The following CNTN6 variants were observed in gnomAD, a reference collection of about 807,000 sequenced individuals.
CNTN6 encodes the protein contactin 6.
CNTN6 carries 137 observed loss-of-function variants against 122.8 expected under a neutral mutation model. The observed-to-expected ratio is 1.12, with a 90% CI of 0.97 to 1.29. The LOEUF (loss-of-function observed/expected upper bound fraction) is 1.29. Among genes scored for constraint, CNTN6 ranks in the 50% most tolerant of loss-of-function variants. The probability of loss-of-function intolerance (pLI) is 0.00; values close to 1 mark genes in which losing one functional copy is unlikely to be tolerated. For missense variants in CNTN6, 1,634 were observed against 1,223.4 expected, an observed-to-expected ratio of 1.34 and a Z score of -5.01; for synonymous variants, 570 against 426.0, an observed-to-expected ratio of 1.34 and a Z score of -4.16.
At chr3:1,278,261 A>G (rs938774435) in intron 4 of CNTN6, 152 bp from the exon 5 acceptor site, 1 of 543,772 alleles carries the variant, frequency 1.8e-6, no homozygotes, top group Non-Finnish European at 3.3e-6. Context: ...GATAATAATA[A>G]GTGCAGTTAA....
At chr3:1,222,698 C>G (rs1327001251) in intron 3 of CNTN6, among the ~76,000 whole-genome samples, 1 of 151,756 alleles carries the variant, frequency 6.6e-6, no homozygotes, top group Non-Finnish European at 1.5e-5. Flanking sequence ...TGGTTTGGCT[C>G]ATTTCTTTTT....
chr3:1,402,752 C>G, intron 22 of CNTN6: 1 of 315,592 alleles, frequency 3.2e-6, no homozygotes, highest in Non-Finnish European at 5.8e-6. Context: ...AATTGTATCA[C>G]TCATTCTATT....
At chr3:1,272,851 T>C (rs2125763449) in intron 4 of CNTN6, among the ~76,000 whole-genome samples, 1 of 152,342 alleles carries the variant, frequency 6.6e-6, no homozygotes, top group East Asian at 1.9e-4. Flanking sequence ...ACGTGGCAGC[T>C]GCAAAGATAT....
intron 7 of CNTN6, among the ~76,000 whole-genome samples, chr3:1,316,239 G>A (rs952792895): frequency 6.6e-6 from 1 of 151,684 alleles, no homozygotes; most frequent in African/African-American, 2.4e-5. Context: ...GAAATAACAG[G>A]GACTGGGCAA....
At chr3:1,262,529 G>A (rs754834101) in intron 4 of CNTN6, among the ~76,000 whole-genome samples, 2 of 152,084 alleles carry the variant, frequency 1.3e-5, no homozygotes, top group Non-Finnish European at 2.9e-5. Context: ...CCCCGCTTTA[G>A]TTTATACTAC....
chr3:1,158,823 CAT>C lies in CNTN6; in HGVS notation c.55+10768_55+10769del, dbSNP rs1481973019. 2.2e-4 allele frequency among the ~76,000 whole-genome samples: 6 copies of C among 27,098 alleles called. No individual in the cohort carries two copies. The South Asian group carries it at 2.6e-3, about 12-fold the overall frequency. The allele number at this position is 27,098 out of a possible 152,430, so 17.8% of individuals were successfully genotyped here. On this transcript the variant is annotated intron_variant, in intron 2 of 22. Transcript: ENST00000446702. The stretch of plus-strand genomic sequence containing the variant: ...ATATACACACATATATATACACACA[CAT>C]ATATATACACACACATATATATACA...
At chr3:1,093,934 C>T (rs2090379229) in intron 1 of CNTN6, among the ~76,000 whole-genome samples, 1 of 152,100 alleles carries the variant, frequency 6.6e-6, no homozygotes, top group African/African-American at 2.4e-5. Flanking sequence ...ATGAAAACTA[C>T]TTATGTTTAA....
intron 11 of CNTN6, among the ~76,000 whole-genome samples, chr3:1,344,719 G>C (rs1704407741): frequency 6.6e-6 from 1 of 152,122 alleles, no homozygotes; most frequent in African/African-American, 2.4e-5. Flanking sequence ...ATAAATATTT[G>C]TGTTCTTTCC....
chr3:1,119,339 G>GTGTGTGTGTGTGTGTT (rs1284081653), intron 1 of CNTN6, among the ~76,000 whole-genome samples: 1 of 151,084 alleles, frequency 6.6e-6, no homozygotes, highest in Admixed American at 6.6e-5. Context: ...GTGTGTGTGT[G>GTGTGTGTGTGTGTGTT]TGTGTGTGTG....
chr3:1,117,101 A>G (rs1420083515), intron 1 of CNTN6, among the ~76,000 whole-genome samples: 1 of 152,222 alleles, frequency 6.6e-6, no homozygotes, highest in Non-Finnish European at 1.5e-5. Context: ...TAACTGGAAA[A>G]TAGAGTGGAT....
chr3:1,309,885 C>A (rs12495025), intron 7 of CNTN6, among the ~76,000 whole-genome samples: 1 of 152,036 alleles, frequency 6.6e-6, no homozygotes, highest in Non-Finnish European at 1.5e-5. Flanking sequence ...TGTTTTAGTG[C>A]TAATATAAAT....
At chr3:1,103,975 TTAA>T (rs1169257500) in intron 1 of CNTN6, among the ~76,000 whole-genome samples, 1 of 152,070 alleles carries the variant, frequency 6.6e-6, no homozygotes, top group African/African-American at 2.4e-5. Flanking sequence ...ATTACCAATA[TTAA>T]TAATATTTTT....
intron 1 of CNTN6, among the ~76,000 whole-genome samples, chr3:1,123,646 T>C (rs1255680408): frequency 6.6e-6 from 1 of 151,998 alleles, no homozygotes; most frequent in African/African-American, 2.4e-5. Context: ...TTTTGTTATT[T>C]ATTTTCTTCC....
intron 4 of CNTN6, 63 bp downstream of exon 4, chr3:1,228,056 C>T (rs566669373): frequency 6.8e-7 from 1 of 1,470,006 alleles, no homozygotes; most frequent in South Asian, 1.2e-5. Flanking sequence ...CTGATACACA[C>T]ATTTTAAAAA....
At chr3:1,376,584 C>T (rs1002877858) in intron 16 of CNTN6, among the ~76,000 whole-genome samples, 7 of 151,900 alleles carry the variant, frequency 4.6e-5, no homozygotes, top group African/African-American at 7.2e-5. Context: ...ATCCTGATGA[C>T]TAATAAAAGG....
chr3:1,116,228 G>T (rs1212425925), intron 1 of CNTN6, among the ~76,000 whole-genome samples: 2 of 152,120 alleles, frequency 1.3e-5, no homozygotes, highest in South Asian at 4.1e-4. Flanking sequence ...TAGCAGTTTA[G>T]CAGGCCTGGA....
intron 2 of CNTN6, 82 bp downstream of exon 2, chr3:1,148,145 A>T: frequency 9.5e-7 from 1 of 1,048,756 alleles, no homozygotes; most frequent in Non-Finnish European, 1.5e-6. Flanking sequence ...CAATTTTCAA[A>T]ATGCACAATT....
At chr3:1,402,549 GCTCCATGAAAC>G (rs1220246276) in intron 22 of CNTN6, 63 bp downstream of exon 22, 2 of 1,406,268 alleles carry the variant, frequency 1.4e-6, no homozygotes, top group African/African-American at 1.4e-5. Context: ...ATGAAATTCA[GCTCCATGAAAC>G]CTTCCAGTTA....
Position 1,373,648 on chromosome 3 carries a change from A to G in CNTN6, c.1831A>G (p.Ser611Gly), listed in dbSNP as rs753726285. The G allele has an allele frequency of 6.2e-7, 1 of 1,613,044 alleles. No individual in the cohort carries two copies. Among genetic ancestry groups the G allele is most frequent in the Non-Finnish European group, 8.5e-7 (1 of 1,179,346 alleles). ...GGATGTGCAAGTGGAAGACATTTCCAGTACTACTTCTCAACTAAGTTGGAG... is the reference window on the plus strand; with the variant it reads ...GGATGTGCAAGTGGAAGACATTTCCGGTACTACTTCTCAACTAAGTTGGAG... ...PEDVQVEDIS[S>G]TTSQLSWRAG... Residue 611 changes from serine to glycine, a missense_variant, in exon 15 of 23, where the codon AGT becomes GGT. Physicochemically the swap from Ser to Gly is moderately conservative, Grantham distance 56. Coordinates refer to ENST00000446702, the MANE Select transcript of CNTN6 (RefSeq NM_001289080.2).
Sources: gnomAD v4.1 joint callset for allele counts (sites outside exome capture counted in the v4.1 genomes callset) on GRCh38, gnomAD v4.1.1 for gene constraint, MANE v1.5 for transcripts, NCBI Gene and HGNC (gene_info 2026-07-23, HGNC 2026-07-21) for gene names.